The following ITFG1 variants were observed in gnomAD, a reference collection of about 807,000 sequenced individuals.
The protein encoded by ITFG1 is T-cell immunomodulatory protein.
A neutral mutation model predicts 81.8 loss-of-function variants in ITFG1; 34 were observed. The observed-to-expected ratio is 0.42, with a 90% CI of 0.32 to 0.55. The LOEUF is 0.55. ITFG1 is among the 20% of genes least tolerant of loss of function. The pLI, the probability that ITFG1 is intolerant of heterozygous loss-of-function variation, is 0.17. For missense variants in ITFG1, 672 were observed against 755.4 expected (o/e 0.89, Z 1.29); for synonymous variants, 285 against 270.6 (o/e 1.05, Z -0.52).
intron 1 of ITFG1, 23 bp downstream of exon 1, chr16:47,460,815 G>A (rs1352069006): frequency 1.2e-6 from 2 of 1,610,554 alleles, no homozygotes; most frequent in Non-Finnish European, 1.7e-6. Flanking sequence ...AGCGAACAGA[G>A]GGAGGGCCCG....
At chr16:47,238,727 T>A (rs1965901867) in intron 12 of ITFG1, among the ~76,000 whole-genome samples, 1 of 152,192 alleles carries the variant, frequency 6.6e-6, no homozygotes, top group African/African-American at 2.4e-5. Context: ...AGCTGATAGT[T>A]CTCAGTGGGC....
At chr16:47,216,558 C>T (rs1965627098) in intron 14 of ITFG1, among the ~76,000 whole-genome samples, 1 of 152,092 alleles carries the variant, frequency 6.6e-6, no homozygotes, top group African/African-American at 2.4e-5. Context: ...TAGAAATGTA[C>T]AAAGTGGAAA....
intron 6 of ITFG1, among the ~76,000 whole-genome samples, chr16:47,416,082 G>A (rs11860333): frequency 0.022 from 3,410 of 152,154 alleles, 124 homozygotes; most frequent in African/African-American, 0.076. Context: ...CAACAAGAGC[G>A]AAACTGTGTC....
upstream of ITFG1, chr16:47,461,226 G>A: frequency 2.0e-6 from 2 of 994,296 alleles, no homozygotes; most frequent in East Asian, 2.6e-5. Context: ...TGGAGCTAGG[G>A]TGAAAGCCGC....
intron 6 of ITFG1, among the ~76,000 whole-genome samples, chr16:47,414,583 CA>C (rs1430672188): frequency 2.0e-5 from 3 of 151,658 alleles, no homozygotes; most frequent in African/African-American, 7.3e-5. Context: ...CAAAATCCCC[CA>C]AAACAATAAC....
intron 5 of ITFG1, among the ~76,000 whole-genome samples, chr16:47,430,061 T>A: frequency 6.7e-6 from 1 of 149,206 alleles, no homozygotes; most frequent in East Asian, 2.0e-4. Context: ...ACTTTTCTTT[T>A]TTTTTTTTTT....
At chr16:47,351,272 T>A (rs1024667435) in intron 8 of ITFG1, among the ~76,000 whole-genome samples, 29 of 152,194 alleles carry the variant, frequency 1.9e-4, no homozygotes, top group Admixed American at 7.9e-4. Context: ...AGTCGAATTG[T>A]CCCTGTTTGC....
chr16:47,371,521 T>C (rs1330750377), intron 7 of ITFG1, among the ~76,000 whole-genome samples: 1 of 152,348 alleles, frequency 6.6e-6, no homozygotes, highest in East Asian at 1.9e-4. Flanking sequence ...TGGTAGCAAG[T>C]AGCCTTTCAT....
At chr16:47,246,890 C>A (rs1185453389) in intron 12 of ITFG1, among the ~76,000 whole-genome samples, 2 of 152,134 alleles carry the variant, frequency 1.3e-5, no homozygotes, top group Non-Finnish European at 2.9e-5. Context: ...GCAACCTCTA[C>A]CTCCTGTGAT....
At chr16:47,360,826 A>G (rs1439839065) in intron 8 of ITFG1, among the ~76,000 whole-genome samples, 2 of 152,198 alleles carry the variant, frequency 1.3e-5, no homozygotes, top group Non-Finnish European at 2.9e-5. Context: ...ATGCTTTGAA[A>G]TCAGCTCCAC....
chr16:47,283,170 GA>G (rs1966468284), intron 10 of ITFG1, among the ~76,000 whole-genome samples: 1 of 152,104 alleles, frequency 6.6e-6, no homozygotes, highest in South Asian at 2.1e-4. Context: ...CCAATGTCTA[GA>G]AGAGTTTTTC....
intron 13 of ITFG1, among the ~76,000 whole-genome samples, chr16:47,231,487 T>C (rs1416035733): frequency 6.6e-6 from 1 of 152,256 alleles, no homozygotes; most frequent in Non-Finnish European, 1.5e-5. Context: ...TACTGATATT[T>C]ACCATATCCA....
chr16:47,161,698 T>G, intron 16 of ITFG1, 52 bp downstream of exon 16: 1 of 1,095,324 alleles, frequency 9.1e-7, no homozygotes, highest in Non-Finnish European at 1.4e-6. Flanking sequence ...ACTGTATGTA[T>G]AATTCAGAGT....
At chr16:47,179,110 C>G (rs2151512587) in intron 14 of ITFG1, among the ~76,000 whole-genome samples, 1 of 152,190 alleles carries the variant, frequency 6.6e-6, no homozygotes. Flanking sequence ...GAAATAGGAA[C>G]ACTTTTACAC....
intron 6 of ITFG1, among the ~76,000 whole-genome samples, chr16:47,403,255 A>G (rs1567487975): frequency 2.0e-5 from 3 of 151,390 alleles, no homozygotes; most frequent in Admixed American, 6.6e-5. Context: ...AACTGTAAGT[A>G]AGGACTCAAA....
At chr16:47,307,495 AT>A (rs1288432680) in intron 10 of ITFG1, among the ~76,000 whole-genome samples, 3 of 152,080 alleles carry the variant, frequency 2.0e-5, no homozygotes, top group Non-Finnish European at 4.4e-5. Context: ...TTGAAAGAAA[AT>A]TTTTTGATCT....
chr16:47,390,008 C>T (rs1402223882), intron 6 of ITFG1, among the ~76,000 whole-genome samples: 1 of 152,154 alleles, frequency 6.6e-6, no homozygotes, highest in East Asian at 1.9e-4. Context: ...ACAAAAAATG[C>T]CTATCGAATG....
intron 5 of ITFG1, 104 bp from the exon 6 acceptor site, chr16:47,429,002 A>T: frequency 1.5e-6 from 1 of 678,726 alleles, no homozygotes; most frequent in Non-Finnish European, 2.5e-6. Flanking sequence ...ATTTATTTTC[A>T]TTGATATATT....
chr16:47,166,838 T>C (rs1478683617), intron 14 of ITFG1, among the ~76,000 whole-genome samples: 3 of 152,146 alleles, frequency 2.0e-5, no homozygotes, highest in South Asian at 4.1e-4. Flanking sequence ...CAAAGAGTAG[T>C]AAGTTTAGAA....
Sources: gnomAD v4.1 joint callset for allele counts (sites outside exome capture counted in the v4.1 genomes callset) on GRCh38, gnomAD v4.1.1 for gene constraint, MANE v1.5 for transcripts, NCBI Gene and HGNC (gene_info 2026-07-23, HGNC 2026-07-21) for gene names.